The following GPR137C variants were observed in gnomAD, a reference collection of about 807,000 sequenced individuals.
GPR137C encodes the protein G protein-coupled receptor 137C.
Under a neutral mutation model 43.4 loss-of-function variants are expected in GPR137C, and 27 were observed. The observed-to-expected ratio is 0.62, with a 90% CI of 0.46 to 0.86. The LOEUF is 0.86. Ranked by LOEUF, GPR137C falls within the 40% of genes least tolerant of loss-of-function variation. GPR137C has a pLI of 0.00. For synonymous variants in GPR137C, 285 were observed against 226.9 expected (o/e 1.26, Z -2.30); for missense variants, 522 against 534.6 (o/e 0.98, Z 0.23).
intron 3 of GPR137C, chr14:52,612,443 G>A: frequency 1.0e-6 from 1 of 983,076 alleles, no homozygotes; most frequent in Non-Finnish European, 1.2e-6. Flanking sequence ...TTCAAAATCA[G>A]TTTTGTTTTG....
At chr14:52,620,423 G>T (rs1167892133) in intron 3 of GPR137C, among the ~76,000 whole-genome samples, 1 of 152,042 alleles carries the variant, frequency 6.6e-6, no homozygotes, top group Non-Finnish European at 1.5e-5. Context: ...TGGGATTTCA[G>T]TTCAGCCAAG....
intron 1 of GPR137C, among the ~76,000 whole-genome samples, chr14:52,589,026 C>T (rs887564677): frequency 2.0e-5 from 3 of 152,164 alleles, no homozygotes; most frequent in Non-Finnish European, 4.4e-5. Flanking sequence ...ATGTGGTACA[C>T]ACATGCAATG....
In GPR137C at chr14:52,610,091, A is replaced by G. The variant is rs78501662; in HGVS notation, c.717+9750A>G. On this transcript the variant is annotated intron_variant, in intron 3 of 6. Coordinates refer to ENST00000321662, the MANE Select transcript of GPR137C (RefSeq NM_001099652.2). ...GATGGCTTCTTTGCATTCAGGCCTC[A>G]GTCGCTTTTTCAAAGTTGCTCTTCT... Among the ~76,000 whole-genome samples, 656 of 152,298 alleles carry G rather than the reference A, an allele frequency of 4.3e-3. 10 individuals carry two copies. The highest frequency in any genetic ancestry group is 0.036 in the Admixed American group (544 of 15,300).
At position 52,553,492 on chromosome 14, in the gene GPR137C, G is replaced by C; in HGVS notation, c.345G>C (p.Pro115=). 6.2e-7 allele frequency: 1 copy of C among 1,608,720 alleles called. No individual in the cohort carries two copies. The highest frequency in any genetic ancestry group is 1.7e-4 in the Middle Eastern group (1 of 6,060). ...GCGGCTCCCTGCCCTTGCTCCGGCC[G>C]CCCGCTCACCTGCACTTCTTCCCCC... ...SLSGSLPLLR[P]PAHLHFFPHW... The change falls in exon 1 of 7, where the codon CCG becomes CCC. Residue 115 remains proline (P), a synonymous_variant. Transcript: ENST00000321662.
At chr14:52,601,161 G>A (rs538673712) in intron 3 of GPR137C, among the ~76,000 whole-genome samples, 115 of 152,212 alleles carry the variant, frequency 7.6e-4, no homozygotes, top group Non-Finnish European at 1.5e-3. Flanking sequence ...TTGGGTGTGA[G>A]GGGGTAGATA....
intron 1 of GPR137C, among the ~76,000 whole-genome samples, chr14:52,580,367 A>C (rs544957380): frequency 1.6e-3 from 234 of 150,944 alleles, no homozygotes; most frequent in African/African-American, 5.5e-3. Context: ...AAAAGAAAAA[A>C]AAATTTTTTT....
At chr14:52,586,182 C>T (rs1242169094) in intron 1 of GPR137C, among the ~76,000 whole-genome samples, 1 of 152,160 alleles carries the variant, frequency 6.6e-6, no homozygotes, top group African/African-American at 2.4e-5. Flanking sequence ...TTCCTTCTGA[C>T]CTTAAAGTAA....
chr14:52,561,151 G>A (rs62005392), intron 1 of GPR137C, among the ~76,000 whole-genome samples: 4,314 of 152,306 alleles, frequency 0.028, 92 homozygotes, highest in Non-Finnish European at 0.041. Flanking sequence ...ACTACCACTA[G>A]ACATTGATTA....
In GPR137C at chr14:52,624,196, A is replaced by G. The variant is rs2039193683; in HGVS notation, c.718-7964A>G. Among the ~76,000 whole-genome samples, 6 of 150,660 alleles carry G rather than the reference A, an allele frequency of 4.0e-5. No homozygotes were observed. In the South Asian group the frequency reaches 1.3e-3, roughly 32 times the overall value. On this transcript the variant is annotated intron_variant, in intron 3 of 6. Coordinates refer to ENST00000321662, the MANE Select transcript of GPR137C (RefSeq NM_001099652.2). ...GTGTTTCCATGTAGGTGTGAGCACA[A>G]TTCTAAATAACCCATGGGTAAAAAA...
chr14:52,616,692 G>A (rs902656035), intron 3 of GPR137C, among the ~76,000 whole-genome samples: 6 of 152,130 alleles, frequency 3.9e-5, no homozygotes, highest in African/African-American at 1.2e-4. Flanking sequence ...TAGAATTTCT[G>A]TATTCCAGGT....
At chr14:52,570,259 G>A (rs2038444774) in intron 1 of GPR137C, among the ~76,000 whole-genome samples, 1 of 152,178 alleles carries the variant, frequency 6.6e-6, no homozygotes, top group African/African-American at 2.4e-5. Flanking sequence ...CTTTGTAAGT[G>A]AAGGAGAAAT....
intron 1 of GPR137C, among the ~76,000 whole-genome samples, chr14:52,560,487 G>A (rs1214152200): frequency 2.0e-5 from 3 of 152,182 alleles, no homozygotes; most frequent in African/African-American, 7.2e-5. Flanking sequence ...CGAAGTTGAA[G>A]GATCGCACTA....
At chr14:52,563,817 A>G (rs2038323520) in intron 1 of GPR137C, among the ~76,000 whole-genome samples, 1 of 152,060 alleles carries the variant, frequency 6.6e-6, no homozygotes, top group Non-Finnish European at 1.5e-5. Context: ...AACATCTCTT[A>G]AGTCCATTCA....
intron 2 of GPR137C, among the ~76,000 whole-genome samples, chr14:52,599,220 G>A (rs896339407): frequency 6.6e-6 from 1 of 152,132 alleles, no homozygotes; most frequent in African/African-American, 2.4e-5. Flanking sequence ...TTCTTAGGGG[G>A]AAGAGATTAA....
rs116864108 is a variant in GPR137C at position 52,552,902 on chromosome 14, T to C, written c.-246T>C. On this transcript the variant is annotated 5_prime_UTR_variant, in exon 1 of 7. Coordinates refer to ENST00000321662, the MANE Select transcript of GPR137C (RefSeq NM_001099652.2). ...ATTGTCTCCAGCCGAGAGTTGTTTT[T>C]TGCAGCTACGGAGCCGAGCCGCAGC... is the stretch of plus-strand genomic sequence containing the variant. Among the ~76,000 whole-genome samples the C allele has an allele frequency of 0.049, 7,369 of 151,672 alleles. 232 individuals are homozygous for C. Among genetic ancestry groups the C allele is most frequent in the Middle Eastern group, 0.072 (21 of 290 alleles).
At chr14:52,575,522 G>T (rs544152358) in intron 1 of GPR137C, among the ~76,000 whole-genome samples, 1 of 152,344 alleles carries the variant, frequency 6.6e-6, no homozygotes, top group South Asian at 2.1e-4. Context: ...TTACTGAACA[G>T]ATCCTTTGAT....
chr14:52,599,979 T>G, intron 2 of GPR137C, 134 bp from the exon 3 acceptor site: 1 of 631,080 alleles, frequency 1.6e-6, no homozygotes, highest in Non-Finnish European at 2.7e-6. Flanking sequence ...TCTGAATAAA[T>G]GCTTAAAAAT....
chr14:52,627,582 C>T (rs980268581), intron 3 of GPR137C, among the ~76,000 whole-genome samples: 11 of 150,352 alleles, frequency 7.3e-5, no homozygotes, highest in Non-Finnish European at 1.3e-4. Context: ...TGCGGTGGCT[C>T]ACGTCTGTAA....
At chr14:52,571,492 G>C (rs967468876) in intron 1 of GPR137C, among the ~76,000 whole-genome samples, 94 of 152,240 alleles carry the variant, frequency 6.2e-4, no homozygotes, top group African/African-American at 2.2e-3. Flanking sequence ...GGCCAACATA[G>C]TGAAACCCCG....
Sources: gnomAD v4.1 joint callset for allele counts (sites outside exome capture counted in the v4.1 genomes callset) on GRCh38, gnomAD v4.1.1 for gene constraint, MANE v1.5 for transcripts, NCBI Gene and HGNC (gene_info 2026-07-23, HGNC 2026-07-21) for gene names.